Variants in RIGI observed in about 807,000 individuals in gnomAD.
RIGI encodes the protein RNA sensor RIG-I.
the RIGI span, among the ~76,000 whole-genome samples, chr9:32,470,410 A>T: frequency 1.3e-5 from 2 of 152,246 alleles, no homozygotes; most frequent in Admixed American, 1.3e-4. Context: ...GCCACAGACA[A>T]TACATACATG....
chr9:32,460,442 T>C, the RIGI span, among the ~76,000 whole-genome samples: 3 of 151,942 alleles, frequency 2.0e-5, no homozygotes, highest in Non-Finnish European at 2.9e-5. Context: ...CATGATATTA[T>C]AAAACTCTTC....
the RIGI span, chr9:32,466,308 T>C: frequency 6.2e-7 from 1 of 1,613,838 alleles, no homozygotes; most frequent in Non-Finnish European, 8.5e-7. Context: ...TAAATACTGC[T>C]TCGTCCCATG....
At chr9:32,499,321 T>G in the RIGI span, among the ~76,000 whole-genome samples, 2 of 147,690 alleles carry the variant, frequency 1.4e-5, no homozygotes, top group Non-Finnish European at 3.0e-5. Flanking sequence ...GATTTGTTTT[T>G]TTTTTTTTTT....
At chr9:32,467,191 G>A in the RIGI span, among the ~76,000 whole-genome samples, 1 of 152,170 alleles carries the variant, frequency 6.6e-6, no homozygotes, top group Non-Finnish European at 1.5e-5. Flanking sequence ...CAAAAGGGAA[G>A]AATGGGAAAT....
chr9:32,520,707 C>T, the RIGI span, among the ~76,000 whole-genome samples: 1 of 152,184 alleles, frequency 6.6e-6, no homozygotes, highest in African/African-American at 2.4e-5. Context: ...CAAAAGCACA[C>T]TGATGCAAGG....
the RIGI span, among the ~76,000 whole-genome samples, chr9:32,521,317 T>G: frequency 6.6e-6 from 1 of 152,116 alleles, no homozygotes; most frequent in East Asian, 1.9e-4. Flanking sequence ...CATAAAATAT[T>G]TGTTTACCTT....
At chr9:32,486,387 A>T in the RIGI span, among the ~76,000 whole-genome samples, 1 of 140,840 alleles carries the variant, frequency 7.1e-6, no homozygotes, top group Non-Finnish European at 1.5e-5. Context: ...CAGGAGGTGG[A>T]GGTTTGCAGT....
At chr9:32,473,283 AGAC>A in the RIGI span, among the ~76,000 whole-genome samples, 6 of 136,350 alleles carry the variant, frequency 4.4e-5, no homozygotes, top group Non-Finnish European at 3.1e-5. Context: ...TTAATCTCTA[AGAC>A]TTTTTTTTTT....
the RIGI span, among the ~76,000 whole-genome samples, chr9:32,503,014 G>A: frequency 6.6e-6 from 1 of 152,110 alleles, no homozygotes; most frequent in African/African-American, 2.4e-5. Context: ...TTTGGGTAGG[G>A]GGACACAATT....
the RIGI span, among the ~76,000 whole-genome samples, chr9:32,518,140 A>G: frequency 1.3e-5 from 2 of 152,156 alleles, no homozygotes; most frequent in Non-Finnish European, 2.9e-5. Context: ...TGCAAAAGAC[A>G]ATGTGTTTTT....
the RIGI span, among the ~76,000 whole-genome samples, chr9:32,504,998 TAA>T: frequency 8.1e-6 from 1 of 123,396 alleles, no homozygotes; most frequent in Admixed American, 8.6e-5. Flanking sequence ...ATTTTATATA[TAA>T]TATATATGTT....
chr9:32,520,967 G>A, the RIGI span, among the ~76,000 whole-genome samples: 3 of 151,704 alleles, frequency 2.0e-5, no homozygotes, highest in Admixed American at 6.6e-5. Flanking sequence ...CCAACATGGT[G>A]AAACCCCGTC....
the RIGI span, among the ~76,000 whole-genome samples, chr9:32,522,395 T>C: frequency 3.9e-5 from 6 of 152,244 alleles, no homozygotes; most frequent in Non-Finnish European, 7.3e-5. Context: ...ATGTGTTTTC[T>C]TGCATACATT....
At chr9:32,509,732 A>C in the RIGI span, among the ~76,000 whole-genome samples, 1 of 152,126 alleles carries the variant, frequency 6.6e-6, no homozygotes, top group Non-Finnish European at 1.5e-5. Flanking sequence ...TGGACGGAGA[A>C]TGAGTTTGAC....
chr9:32,520,962 A>T, the RIGI span, among the ~76,000 whole-genome samples: 1 of 151,968 alleles, frequency 6.6e-6, no homozygotes, highest in Non-Finnish European at 1.5e-5. Context: ...CCTGGCCAAC[A>T]TGGTGAAACC....
At chr9:32,504,745 C>T in the RIGI span, among the ~76,000 whole-genome samples, 2 of 125,614 alleles carry the variant, frequency 1.6e-5, no homozygotes, top group African/African-American at 3.7e-5. Flanking sequence ...ATATTTAATA[C>T]ATAAAATATA....
chr9:32,473,286 CTTTT>C, the RIGI span, among the ~76,000 whole-genome samples: 1 of 122,570 alleles, frequency 8.2e-6, no homozygotes, highest in Non-Finnish European at 1.6e-5. Context: ...ATCTCTAAGA[CTTTT>C]TTTTTTTTTT....
chr9:32,503,560 A>G, the RIGI span, among the ~76,000 whole-genome samples: 2 of 152,294 alleles, frequency 1.3e-5, no homozygotes, highest in African/African-American at 4.8e-5. Flanking sequence ...TACACTGCAT[A>G]GTATATAGTA....
the RIGI span, chr9:32,492,454 T>C: frequency 6.2e-7 from 1 of 1,614,168 alleles, no homozygotes; most frequent in Non-Finnish European, 8.5e-7. Flanking sequence ...AGTTTCAAAG[T>C]TTTGGGCCAG....
Sources: allele counts gnomAD v4.1 joint callset (sites outside exome capture counted in the v4.1 genomes callset), GRCh38; gene constraint gnomAD v4.1.1; transcripts MANE v1.5; gene names NCBI Gene and HGNC (gene_info 2026-07-23, HGNC 2026-07-21).